The following EPHB1 variants were observed in gnomAD, a reference collection of about 807,000 sequenced individuals.
EPHB1 encodes the protein EPH receptor B1, also known as ephrin type-B receptor 1.
Under a neutral mutation model 94.4 loss-of-function variants are expected in EPHB1, and 30 were observed. That is an observed-to-expected ratio of 0.32 (90% CI 0.24 to 0.43). EPHB1 has a LOEUF of 0.43. Ranked by LOEUF, EPHB1 falls within the 20% of genes least tolerant of loss-of-function variation. The pLI, the probability that EPHB1 is intolerant of heterozygous loss-of-function variation, is 1.00. For synonymous variants in EPHB1, 522 were observed against 489.1 expected (o/e 1.07, Z -0.89); for missense variants, 1,055 against 1,308.3 (o/e 0.81, Z 2.99).
intron 4 of EPHB1, among the ~76,000 whole-genome samples, chr3:135,114,720 C>A: frequency 1.2e-5 from 1 of 84,742 alleles, no homozygotes; most frequent in Non-Finnish European, 2.4e-5. Context: ...AAGACTCTGT[C>A]TCAGATAGAT....
chr3:135,055,808 G>C (rs1194665377), intron 3 of EPHB1, among the ~76,000 whole-genome samples: 1 of 152,136 alleles, frequency 6.6e-6, no homozygotes, highest in Admixed American at 6.5e-5. Flanking sequence ...TCATTTCTAG[G>C]GTGAAGGCTG....
intron 3 of EPHB1, among the ~76,000 whole-genome samples, chr3:135,039,381 T>TG (rs1936755245): frequency 6.6e-6 from 1 of 152,092 alleles, no homozygotes; most frequent in African/African-American, 2.4e-5. Flanking sequence ...GATCCCGCAC[T>TG]GGGGCTGCAG....
chr3:135,216,062 C>T (rs1450809287), intron 12 of EPHB1, among the ~76,000 whole-genome samples: 1 of 152,210 alleles, frequency 6.6e-6, no homozygotes, highest in African/African-American at 2.4e-5. Context: ...CCCAGGGAAG[C>T]ATGAAGGCCC....
intron 6 of EPHB1, 137 bp downstream of exon 6, chr3:135,154,413 G>A: frequency 7.9e-7 from 1 of 1,268,666 alleles, no homozygotes. Flanking sequence ...AAGGTCCCTG[G>A]GAGAGTTCTC....
At chr3:134,890,008 C>T (rs2037944409) in intron 1 of EPHB1, among the ~76,000 whole-genome samples, 2 of 152,112 alleles carry the variant, frequency 1.3e-5, no homozygotes, top group African/African-American at 4.8e-5. Context: ...TGCAACACTT[C>T]AAGAAAGGAA....
At chr3:135,235,330 C>A (rs1272159458) in intron 12 of EPHB1, among the ~76,000 whole-genome samples, 1 of 152,202 alleles carries the variant, frequency 6.6e-6, no homozygotes, top group Non-Finnish European at 1.5e-5. Flanking sequence ...CAGCAGTTCT[C>A]AAAGTGGGAG....
chr3:135,178,226 G>GGT lies in EPHB1; in HGVS notation c.1760-1633_1760-1632insTG, dbSNP rs964546742. On this transcript the variant is annotated intron_variant, in intron 9 of 15. Transcript: ENST00000398015. ...CCCAGCACTTTGGGAGGCCGGGGAG[G>GGT]GGGGGTGGATCATGAGGTCGGGAGT... Among the ~76,000 whole-genome samples the GGT allele has an allele frequency of 5.4e-5, 8 of 149,004 alleles. 1 individual carries two copies. Among genetic ancestry groups the GGT allele is most frequent in the African/African-American group, 2.0e-4 (8 of 40,186 alleles).
intron 1 of EPHB1, among the ~76,000 whole-genome samples, chr3:134,888,432 G>A (rs185120163): frequency 3.5e-4 from 53 of 152,230 alleles, no homozygotes; most frequent in East Asian, 1.2e-3. Flanking sequence ...TTTCTGGGCC[G>A]GGTGTGGTGG....
intron 1 of EPHB1, among the ~76,000 whole-genome samples, chr3:134,844,720 C>G (rs554171938): frequency 6.6e-6 from 1 of 152,154 alleles, no homozygotes; most frequent in African/African-American, 2.4e-5. Context: ...CTCAAACTCC[C>G]GTCTTTGATA....
intron 4 of EPHB1, among the ~76,000 whole-genome samples, chr3:135,131,865 C>T (rs935552678): frequency 6.6e-6 from 1 of 152,146 alleles, no homozygotes; most frequent in Non-Finnish European, 1.5e-5. Flanking sequence ...AGAACGTGAG[C>T]TTTGGAATCC....
intron 13 of EPHB1, among the ~76,000 whole-genome samples, chr3:135,243,444 C>G (rs1300588171): frequency 1.3e-5 from 2 of 152,130 alleles, no homozygotes; most frequent in African/African-American, 2.4e-5. Flanking sequence ...TGAGATGGGT[C>G]TCAGAGGGAA....
At chr3:134,804,069 CTATTTTTTTTTTTTTTTT>C (rs2035986598) in intron 1 of EPHB1, among the ~76,000 whole-genome samples, 1 of 51,810 alleles carries the variant, frequency 1.9e-5, no homozygotes, top group South Asian at 4.6e-4. Context: ...TCATTATTGG[CTATTTTTTTTTTTTTTTT>C]TTTTTTTTTT....
intron 7 of EPHB1, among the ~76,000 whole-genome samples, chr3:135,165,666 G>T (rs1435351472): frequency 6.6e-6 from 1 of 152,156 alleles, no homozygotes; most frequent in Admixed American, 6.5e-5. Flanking sequence ...ACAGTTCTTC[G>T]AGAGACCTTC....
chr3:134,872,045 G>C (rs2037510471), intron 1 of EPHB1, among the ~76,000 whole-genome samples: 4 of 152,176 alleles, frequency 2.6e-5, no homozygotes, highest in Admixed American at 2.6e-4. Flanking sequence ...TTGCTCCCCT[G>C]TAGAGGGGAT....
intron 1 of EPHB1, among the ~76,000 whole-genome samples, chr3:134,864,762 G>C (rs1437519392): frequency 1.3e-5 from 2 of 152,216 alleles, no homozygotes; most frequent in Admixed American, 6.5e-5. Context: ...TCAGGGGGTA[G>C]CATGGTTTGT....
intron 1 of EPHB1, among the ~76,000 whole-genome samples, chr3:134,858,377 TGGG>T (rs2037171635): frequency 6.6e-6 from 1 of 152,128 alleles, no homozygotes; most frequent in African/African-American, 2.4e-5. Context: ...GGAGGGCGTG[TGGG>T]TCTGCCATAG....
chr3:135,210,236 C>T (rs1943000793), intron 12 of EPHB1, among the ~76,000 whole-genome samples: 1 of 152,172 alleles, frequency 6.6e-6, no homozygotes, highest in Non-Finnish European at 1.5e-5. Context: ...TGGACCTTTT[C>T]ATTGTTACTA....
chr3:134,936,870 T>A (rs977399804), intron 2 of EPHB1, among the ~76,000 whole-genome samples: 3 of 152,186 alleles, frequency 2.0e-5, no homozygotes, highest in African/African-American at 7.2e-5. Context: ...AAGGCAGGGG[T>A]AGGCAGTGCT....
chr3:135,191,221 G>GT (rs1399421624), intron 10 of EPHB1, among the ~76,000 whole-genome samples: 1 of 152,188 alleles, frequency 6.6e-6, no homozygotes, highest in African/African-American at 2.4e-5. Flanking sequence ...ATTTATCTGA[G>GT]TATTAGGTCC....
Sources: gnomAD v4.1 joint callset for allele counts (sites outside exome capture counted in the v4.1 genomes callset) on GRCh38, gnomAD v4.1.1 for gene constraint, MANE v1.5 for transcripts, NCBI Gene and HGNC (gene_info 2026-07-23, HGNC 2026-07-21) for gene names.